Variants in USP34 observed in about 807,000 individuals in gnomAD.
USP34 encodes the protein ubiquitin carboxyl-terminal hydrolase 34.
Under a neutral mutation model 460.3 loss-of-function variants are expected in USP34, and 70 were observed. The ratio of observed to expected loss-of-function variants is 0.15; its 90% confidence interval spans 0.13 to 0.19. The LOEUF (loss-of-function observed/expected upper bound fraction) is 0.19. Among genes scored for constraint, USP34 ranks in the 10% least tolerant of loss-of-function variants. The pLI is 1.00. For synonymous variants in USP34, 1,647 were observed against 1,405.3 expected, an observed-to-expected ratio of 1.17 and a Z score of -3.85; for missense variants, 3,985 against 4,236.2, an observed-to-expected ratio of 0.94 and a Z score of 1.65.
chr2:61,464,084 C>G (rs189342137), intron 1 of USP34, among the ~76,000 whole-genome samples: 1 of 152,168 alleles, frequency 6.6e-6, no homozygotes, highest in Admixed American at 6.6e-5. Context: ...ACTGAAAGGC[C>G]GAGGCAGGTG....
chr2:61,327,068 G>C lies in USP34; in HGVS notation c.2931-1611C>G, dbSNP rs569455708. Among the ~76,000 whole-genome samples the C allele has an allele frequency of 8.5e-5, 13 of 152,182 alleles. No individual in the cohort carries two copies. The East Asian group carries it at 2.3e-3, about 27-fold the overall frequency. ...CCCAAAGTGCTGGGATTTCAGGCAT[G>C]AGCCACTGTGCACAGCCTGGGCATC... is the stretch of plus-strand genomic sequence containing the variant. On this transcript the variant is annotated intron_variant, in intron 20 of 79. Transcript: ENST00000398571.
rs1458749292 is a variant in USP34 at position 61,314,659 on chromosome 2, T to C, written c.3468A>G (p.Glu1156=). 1.2e-6 allele frequency: 2 copies of C among 1,603,668 alleles called. No homozygotes were observed. Among genetic ancestry groups the C allele is most frequent in the South Asian group, 1.1e-5 (1 of 88,840 alleles). ...CTATAACCATGAGACTTGAGTGTGA[T>C]TCCTGTTCAAGACTGCTAGAAGCTA... The part of the protein sequence containing the change: ...LMIASSSLEQ[E]SHSSLMVIER... The change falls in exon 25 of 80, where the codon GAA becomes GAG. Residue 1156 remains glutamate (E), a synonymous_variant. Transcript: ENST00000398571.
At chr2:61,225,020 C>G (rs988580085) in intron 62 of USP34, among the ~76,000 whole-genome samples, 1 of 152,096 alleles carries the variant, frequency 6.6e-6, no homozygotes, top group Non-Finnish European at 1.5e-5. Flanking sequence ...AGAGACTATA[C>G]CCTAGATGCC....
chr2:61,407,102 TCAGC>T (rs1325593038), intron 2 of USP34, among the ~76,000 whole-genome samples: 4 of 152,178 alleles, frequency 2.6e-5, no homozygotes, highest in African/African-American at 9.7e-5. Context: ...TAAAAGGATC[TCAGC>T]CAGGTGCAGT....
At chr2:61,408,125 AAAAT>A (rs1287668989) in intron 2 of USP34, among the ~76,000 whole-genome samples, 2 of 152,140 alleles carry the variant, frequency 1.3e-5, no homozygotes, top group East Asian at 3.9e-4. Flanking sequence ...AAAAAAATAA[AAAAT>A]AAATAAAATA....
intron 1 of USP34, among the ~76,000 whole-genome samples, chr2:61,441,923 A>C (rs1451937440): frequency 1.3e-5 from 2 of 152,182 alleles, no homozygotes; most frequent in Admixed American, 6.5e-5. Context: ...ACATAAGAAC[A>C]GATACATAAA....
At chr2:61,227,509 G>A (rs1474421667) in intron 61 of USP34, among the ~76,000 whole-genome samples, 9 of 152,060 alleles carry the variant, frequency 5.9e-5, no homozygotes, top group African/African-American at 2.2e-4. Context: ...TCAGGAGTTC[G>A]AGAACAGCCT....
At chr2:61,424,837 G>C (rs1157068795) in intron 1 of USP34, among the ~76,000 whole-genome samples, 1 of 152,084 alleles carries the variant, frequency 6.6e-6, no homozygotes, top group African/African-American at 2.4e-5. Context: ...GGAAGCCACT[G>C]AATTTTTTTT....
chr2:61,319,538 TAAA>T (rs11361640), intron 21 of USP34, among the ~76,000 whole-genome samples: 3 of 146,620 alleles, frequency 2.0e-5, no homozygotes, highest in Admixed American at 6.8e-5. Flanking sequence ...TATTTATGAT[TAAA>T]AAAAAAAAAA....
chr2:61,256,250 C>A, intron 48 of USP34, 134 bp downstream of exon 48: 2 of 751,274 alleles, frequency 2.7e-6, no homozygotes, highest in Non-Finnish European at 4.4e-6. Context: ...AAAGTTGCTC[C>A]ATGAGACTGA....
At chr2:61,427,811 T>G (rs1291884405) in intron 1 of USP34, among the ~76,000 whole-genome samples, 1 of 152,150 alleles carries the variant, frequency 6.6e-6, no homozygotes, top group African/African-American at 2.4e-5. Flanking sequence ...AAACGGAATT[T>G]CTAAAAATGA....
chr2:61,284,116 T>A (rs1271530774), intron 35 of USP34, among the ~76,000 whole-genome samples: 2 of 152,120 alleles, frequency 1.3e-5, no homozygotes, highest in East Asian at 1.9e-4. Context: ...AAATACGAAA[T>A]GACTTCAGAT....
At chr2:61,444,155 T>C (rs1395282683) in intron 1 of USP34, among the ~76,000 whole-genome samples, 1 of 152,034 alleles carries the variant, frequency 6.6e-6, no homozygotes, top group African/African-American at 2.4e-5. Flanking sequence ...CTCAGGAGGC[T>C]GAGGTGGGAG....
intron 10 of USP34, among the ~76,000 whole-genome samples, chr2:61,354,007 T>C (rs1384056437): frequency 6.6e-6 from 1 of 152,152 alleles, no homozygotes; most frequent in African/African-American, 2.4e-5. Flanking sequence ...ATGAATAGCC[T>C]AAGGGACCTG....
intron 51 of USP34, among the ~76,000 whole-genome samples, chr2:61,244,527 A>G (rs923571338): frequency 5.3e-5 from 8 of 151,936 alleles, no homozygotes; most frequent in Non-Finnish European, 8.8e-5. Context: ...AGACTCGAGA[A>G]TAGCTGGAAC....
At chr2:61,423,586 G>A (rs114097584) in intron 1 of USP34, among the ~76,000 whole-genome samples, 1,553 of 152,202 alleles carry the variant, frequency 0.01, 18 homozygotes, top group Non-Finnish European at 0.014. Flanking sequence ...TCACTGGTTG[G>A]AAGACATTAT....
At chr2:61,257,443 G>T in intron 44 of USP34, 93 bp from the exon 45 acceptor site, 1 of 1,009,858 alleles carries the variant, frequency 9.9e-7, no homozygotes, top group Non-Finnish European at 1.3e-6. Context: ...AAAAGAACAG[G>T]TAGTAAATCT....
At chr2:61,251,238 A>T (rs1002707939) in intron 48 of USP34, among the ~76,000 whole-genome samples, 6 of 152,248 alleles carry the variant, frequency 3.9e-5, no homozygotes, top group African/African-American at 1.4e-4. Context: ...ATCTGAATAC[A>T]AACAATTTTA....
chr2:61,316,705 T>C (rs948059258), intron 23 of USP34, among the ~76,000 whole-genome samples: 5 of 151,902 alleles, frequency 3.3e-5, no homozygotes, highest in Admixed American at 2.6e-4. Flanking sequence ...GCCAACATGG[T>C]GAAACCCCAC....
Sources: allele counts gnomAD v4.1 joint callset (sites outside exome capture counted in the v4.1 genomes callset), GRCh38; gene constraint gnomAD v4.1.1; transcripts MANE v1.5; gene names NCBI Gene and HGNC (gene_info 2026-07-23, HGNC 2026-07-21).